PCED1B: variants seen among roughly 807,000 people sequenced by gnomAD.
PCED1B encodes PC-esterase domain-containing protein 1B.
For missense variants in PCED1B, 573 were observed against 573.9 expected (o/e 1.00, Z 0.02); for synonymous variants, 251 against 246.1 (o/e 1.02, Z -0.19).
chr12:47,112,712 T>C (rs1256447647), intron 2 of PCED1B, among the ~76,000 whole-genome samples: 1 of 152,242 alleles, frequency 6.6e-6, no homozygotes, highest in Non-Finnish European at 1.5e-5. Flanking sequence ...GGTCACATTA[T>C]TAGCCAGTGT....
chr12:47,136,038 C>A (rs965252824), intron 2 of PCED1B: 4 of 150,764 alleles, frequency 2.7e-5, no homozygotes, highest in African/African-American at 9.8e-5. Context: ...GGTACAGTAG[C>A]CTTTTTTCCT....
At chr12:47,135,617 C>T in intron 2 of PCED1B, 1 of 500,308 alleles carries the variant, frequency 2.0e-6, no homozygotes, top group Non-Finnish European at 4.0e-6. Flanking sequence ...GTCAGGTCAC[C>T]AACCATCTTC....
chr12:47,217,458 AAAAGAAAGAAAG>A (rs71077131), intron 3 of PCED1B, among the ~76,000 whole-genome samples: 3 of 100,014 alleles, frequency 3.0e-5, no homozygotes, highest in Non-Finnish European at 5.5e-5. Context: ...GAAAGAAAGA[AAAAGAAAGAAAG>A]AGAAAGAAAG....
In PCED1B at chr12:47,235,406, G is replaced by A. The variant is rs531154720; in HGVS notation, c.343G>A (p.Ala115Thr). 5 of 1,614,106 alleles carry A rather than the reference G, an allele frequency of 3.1e-6. No individual in the cohort carries two copies. In the East Asian group the frequency reaches 1.1e-4, roughly 36 times the overall value. Residue 115 changes from alanine (A) to threonine (T), a missense_variant, in exon 4 of 4, where the codon GCC becomes ACC. Transcript: ENST00000546455. ...GAAAGAGCTGCAGTCGGGCGAGCACGCCCCCGACCTGGTCATCATGAATTC... is the reference window on the plus strand; with the variant it reads ...GAAAGAGCTGCAGTCGGGCGAGCACACCCCCGACCTGGTCATCATGAATTC... ...ILKELQSGEH[A>T]PDLVIMNSCL...
intron 3 of PCED1B, among the ~76,000 whole-genome samples, chr12:47,228,259 C>G (rs1370141592): frequency 6.6e-6 from 1 of 152,100 alleles, no homozygotes; most frequent in Non-Finnish European, 1.5e-5. Flanking sequence ...TGGTCCTGAC[C>G]TCAGGTGATC....
At chr12:47,169,452 T>G (rs779550661) in intron 2 of PCED1B, among the ~76,000 whole-genome samples, 3 of 152,192 alleles carry the variant, frequency 2.0e-5, no homozygotes, top group Non-Finnish European at 2.9e-5. Flanking sequence ...GCTTAAAATA[T>G]TCAATATGGC....
At chr12:47,233,642 G>C (rs1025830527) in intron 3 of PCED1B, among the ~76,000 whole-genome samples, 1 of 152,196 alleles carries the variant, frequency 6.6e-6, no homozygotes, top group Non-Finnish European at 1.5e-5. Context: ...ATGATAACCT[G>C]TCTGATTGAT....
chr12:47,157,354 C>T (rs1190571413), intron 2 of PCED1B, among the ~76,000 whole-genome samples: 2 of 151,986 alleles, frequency 1.3e-5, no homozygotes, highest in African/African-American at 4.8e-5. Context: ...TTTGGGAGAC[C>T]AAGGCAGGAA....
intron 2 of PCED1B, among the ~76,000 whole-genome samples, chr12:47,151,989 T>C (rs1430393944): frequency 6.6e-6 from 1 of 152,212 alleles, no homozygotes; most frequent in African/African-American, 2.4e-5. Flanking sequence ...CAAAGACAAC[T>C]GATATACATA....
chr12:47,157,248 T>C (rs1941223116), intron 2 of PCED1B, among the ~76,000 whole-genome samples: 1 of 152,200 alleles, frequency 6.6e-6, no homozygotes, highest in Non-Finnish European at 1.5e-5. Context: ...ACAAAATTAA[T>C]TCACATTCAT....
At chr12:47,087,009 G>C (rs1252123553) in intron 1 of PCED1B, among the ~76,000 whole-genome samples, 2 of 152,144 alleles carry the variant, frequency 1.3e-5, no homozygotes, top group Non-Finnish European at 2.9e-5. Flanking sequence ...AATTGAGAGA[G>C]AAAAGAATCA....
intron 2 of PCED1B, among the ~76,000 whole-genome samples, chr12:47,123,936 T>G (rs1329408568): frequency 1.3e-5 from 2 of 152,070 alleles, no homozygotes; most frequent in East Asian, 3.8e-4. Flanking sequence ...CCACTCCCTA[T>G]TTTTAGAAAT....
intron 2 of PCED1B, among the ~76,000 whole-genome samples, chr12:47,139,417 A>G (rs1436388242): frequency 6.6e-6 from 1 of 152,154 alleles, no homozygotes; most frequent in Non-Finnish European, 1.5e-5. Context: ...AAAAGGGAGT[A>G]CACCATGTGC....
intron 2 of PCED1B, among the ~76,000 whole-genome samples, chr12:47,212,501 A>T (rs1433020347): frequency 6.6e-6 from 1 of 152,156 alleles, no homozygotes; most frequent in African/African-American, 2.4e-5. Flanking sequence ...GTCCAAGCTC[A>T]GTAGTTAACC....
intron 2 of PCED1B, among the ~76,000 whole-genome samples, chr12:47,107,914 G>A (rs764711128): frequency 4.0e-5 from 6 of 151,208 alleles, no homozygotes; most frequent in Non-Finnish European, 8.8e-5. Flanking sequence ...CATGCTGGGT[G>A]TCCTTAGGAG....
intron 2 of PCED1B, among the ~76,000 whole-genome samples, chr12:47,175,558 A>T (rs1368673467): frequency 6.6e-6 from 1 of 151,916 alleles, no homozygotes; most frequent in Non-Finnish European, 1.5e-5. Flanking sequence ...TTCAGTATGT[A>T]TGTATGTATG....
intron 2 of PCED1B, among the ~76,000 whole-genome samples, chr12:47,197,388 C>T (rs975831703): frequency 6.7e-6 from 1 of 150,142 alleles, no homozygotes; most frequent in African/African-American, 2.4e-5. Flanking sequence ...AGGTGGATCA[C>T]CTGAGGTCAG....
At chr12:47,154,692 A>C (rs1168818679) in intron 2 of PCED1B, among the ~76,000 whole-genome samples, 1 of 151,888 alleles carries the variant, frequency 6.6e-6, no homozygotes, top group Non-Finnish European at 1.5e-5. Flanking sequence ...AACTACTCAT[A>C]ATCCCTTAGA....
At chr12:47,222,115 T>TA (rs1943495599) in intron 3 of PCED1B, among the ~76,000 whole-genome samples, 1 of 28,266 alleles carries the variant, frequency 3.5e-5, no homozygotes. Context: ...AAAAAAAAAA[T>TA]TAAAAAAAAA....
Sources: allele counts gnomAD v4.1 joint callset (sites outside exome capture counted in the v4.1 genomes callset), GRCh38; gene constraint gnomAD v4.1.1; transcripts MANE v1.5; gene names NCBI Gene and HGNC (gene_info 2026-07-23, HGNC 2026-07-21).